The following REV3L variants were observed in gnomAD, a reference collection of about 807,000 sequenced individuals.
REV3L encodes the protein REV3 like, DNA directed polymerase zeta catalytic subunit, also known as DNA polymerase zeta catalytic subunit.
A neutral mutation model predicts 299.4 loss-of-function variants in REV3L; 69 were observed. The ratio of observed to expected loss-of-function variants is 0.23; its 90% CI spans 0.19 to 0.28. The LOEUF is 0.28. REV3L is among the 10% of genes least tolerant of loss of function. The probability of loss-of-function intolerance (pLI) is 1.00; values close to 1 mark genes in which losing one functional copy is unlikely to be tolerated. For missense variants in REV3L, 3,128 were observed against 3,693.8 expected (o/e 0.85, Z 3.97); for synonymous variants, 1,238 against 1,271.4 (o/e 0.97, Z 0.56).
At chr6:111,357,551 G>C (rs1778218065) in intron 17 of REV3L, among the ~76,000 whole-genome samples, 1 of 152,102 alleles carries the variant, frequency 6.6e-6, no homozygotes, top group Non-Finnish European at 1.5e-5. Context: ...GAATTAGCTG[G>C]GCATGGTGGC....
rs1463423468 is a variant in REV3L at position 111,349,239 on chromosome 6, A to T, written c.7398T>A (p.Leu2466=). 1 of 1,580,570 alleles carries T rather than the reference A, an allele frequency of 6.3e-7. No individual in the cohort carries two copies. Among genetic ancestry groups the T allele is most frequent in the Non-Finnish European group, 8.7e-7 (1 of 1,151,310 alleles). ...INIVGRITLN[L]WRIMRNEVAL... ...CCACCTCATTTCTCATGATTCTCCA[A>T]AGATTTAGTGTAATTCGGCCAACAA... The change falls in exon 20 of 32, where the codon CTT becomes CTA. Residue 2466 remains leucine, a synonymous_variant. Transcript: ENST00000368802.
At position 111,315,389 on chromosome 6, in the gene REV3L, G is replaced by A. The variant is rs371346926; in HGVS notation, c.8352-8C>T. The A allele has an allele frequency of 2.6e-5, 42 of 1,605,652 alleles. No individual in the cohort carries two copies. Among genetic ancestry groups the A allele is most frequent in the South Asian group, 2.0e-4 (18 of 90,376 alleles). On this transcript the variant is annotated splice_polypyrimidine_tract_variant and splice_region_variant and intron_variant, in intron 26 of 31. Coordinates refer to ENST00000368802, the MANE Select transcript of REV3L (RefSeq NM_001372078.1). ...TTCAGTAGCACAAACATACTAAGGG[G>A]ATTAAAAATAAAGTAAGGTAATGAG...
chr6:111,310,921 A>C (rs1453085451), intron 29 of REV3L, 148 bp downstream of exon 29: 1 of 515,150 alleles, frequency 1.9e-6, no homozygotes, highest in African/African-American at 1.9e-5. Context: ...AGTATGAGGG[A>C]ATATTCACTA....
intron 1 of REV3L, among the ~76,000 whole-genome samples, chr6:111,447,971 T>A (rs1437379812): frequency 6.6e-6 from 1 of 152,254 alleles, no homozygotes; most frequent in East Asian, 1.9e-4. Flanking sequence ...ATCCTTACTT[T>A]AAAATTTTTT....
At chr6:111,395,601 G>A (rs1445014170) in intron 4 of REV3L, among the ~76,000 whole-genome samples, 2 of 151,934 alleles carry the variant, frequency 1.3e-5, no homozygotes, top group Non-Finnish European at 2.9e-5. Flanking sequence ...AGAGTTTTTT[G>A]TTGGAGTCTT....
chr6:111,321,342 C>T (rs939256920), intron 26 of REV3L, among the ~76,000 whole-genome samples: 2 of 152,214 alleles, frequency 1.3e-5, no homozygotes, highest in African/African-American at 2.4e-5. Context: ...ATGCTGACTT[C>T]TGGGTGTTGT....
intron 5 of REV3L, among the ~76,000 whole-genome samples, chr6:111,391,179 C>A (rs949465193): frequency 6.6e-6 from 1 of 151,810 alleles, no homozygotes; most frequent in Non-Finnish European, 1.5e-5. Context: ...GATTCTCCTG[C>A]CTCAGCTTCC....
intron 9 of REV3L, among the ~76,000 whole-genome samples, chr6:111,386,957 G>A (rs1781412829): frequency 1.3e-5 from 2 of 151,998 alleles, no homozygotes; most frequent in African/African-American, 4.8e-5. Context: ...CCTGACCTCA[G>A]GTGATCCGCC....
chr6:111,378,239 G>A (rs1170601805), intron 11 of REV3L, among the ~76,000 whole-genome samples: 6 of 152,214 alleles, frequency 3.9e-5, no homozygotes, highest in Non-Finnish European at 8.8e-5. Flanking sequence ...AGTAGTAAAG[G>A]TGTTCAGTCA....
intron 1 of REV3L, among the ~76,000 whole-genome samples, chr6:111,468,365 A>G (rs555155665): frequency 2.0e-5 from 3 of 152,322 alleles, no homozygotes; most frequent in African/African-American, 7.2e-5. Flanking sequence ...GGAGGAAAAC[A>G]TTTGGAACTC....
chr6:111,311,463 A>G (rs921259063), intron 28 of REV3L: 6 of 402,858 alleles, frequency 1.5e-5, no homozygotes, highest in Non-Finnish European at 2.2e-5. Flanking sequence ...TAAAAATAGA[A>G]TATCATGTAG....
Position 111,358,999 on chromosome 6 carries a change from G to C in REV3L, c.6895C>G (p.Leu2299Val). 1.9e-6 allele frequency: 3 copies of C among 1,609,972 alleles called. No individual in the cohort carries two copies. Among genetic ancestry groups the C allele is most frequent in the Non-Finnish European group, 2.5e-6 (3 of 1,178,240 alleles). Residue 2299 changes from leucine (L) to valine (V), a missense_variant, in exon 17 of 32, where the codon CTA becomes GTA. Transcript: ENST00000368802. ...CGAGCATGCAACTCCACACTGATTA[G>C]GGTAAGATTTTGTATCTATAAAAGC... ...KALHEIQNLT[L>V]ISVELHARTR...
At chr6:111,478,734 T>C (rs970224402) in intron 1 of REV3L, among the ~76,000 whole-genome samples, 1 of 152,170 alleles carries the variant, frequency 6.6e-6, no homozygotes, top group Non-Finnish European at 1.5e-5. Context: ...CATAAACTTA[T>C]ATAGCATTTC....
intron 1 of REV3L, among the ~76,000 whole-genome samples, chr6:111,455,948 T>C (rs1790111558): frequency 6.6e-6 from 1 of 152,230 alleles, no homozygotes; most frequent in Non-Finnish European, 1.5e-5. Flanking sequence ...TAGAGCATCA[T>C]ATCGAAACCT....
intron 1 of REV3L, among the ~76,000 whole-genome samples, chr6:111,421,488 G>A (rs564450916): frequency 4.6e-5 from 7 of 152,256 alleles, no homozygotes; most frequent in South Asian, 2.1e-4. Context: ...GGGCATGACC[G>A]TGTTACAATA....
intron 1 of REV3L, among the ~76,000 whole-genome samples, chr6:111,453,754 C>T (rs1328561488): frequency 3.9e-5 from 6 of 152,038 alleles, no homozygotes; most frequent in Non-Finnish European, 8.8e-5. Context: ...GAGGCTGAGG[C>T]GGGTAGATCA....
intron 7 of REV3L, among the ~76,000 whole-genome samples, chr6:111,388,736 T>G (rs1365900062): frequency 6.6e-6 from 1 of 152,192 alleles, no homozygotes; most frequent in Non-Finnish European, 1.5e-5. Context: ...TTTCAAAGCT[T>G]AATGTATTAA....
intron 13 of REV3L, 78 bp downstream of exon 13, chr6:111,372,513 ATTCTT>A (rs1779899883): frequency 3.6e-6 from 4 of 1,099,044 alleles, no homozygotes; most frequent in Non-Finnish European, 4.9e-6. Flanking sequence ...TGTTGCATAC[ATTCTT>A]TTTTTTTCAA....
Position 111,405,626 on chromosome 6 carries a change from A to G in REV3L, c.409T>C (p.Cys137Arg). 6.3e-7 allele frequency: 1 copy of G among 1,587,738 alleles called. No individual in the cohort carries two copies. The highest frequency in any genetic ancestry group is 8.5e-7 in the Non-Finnish European group (1 of 1,170,100). Reference protein sequence around the residue: ...LYNPTMVKRICELLQSGAIMN... With the variant: ...LYNPTMVKRIRELLQSGAIMN... Reference sequence around the variant, plus strand: ...ATGGCTCCGCTTTGCAAAAGTTCACATATCCTAAATTAGAAAAAAAAAGTT... The same window carrying G: ...ATGGCTCCGCTTTGCAAAAGTTCACGTATCCTAAATTAGAAAAAAAAAGTT... Residue 137 changes from cysteine to arginine, a missense_variant, in exon 4 of 32, where the codon TGT (cysteine) becomes CGT (arginine). This residue lies in a region of REV3L where 2,409 missense variants were observed against 2,611.8 expected (regional missense o/e 0.92). Transcript: ENST00000368802.
Sources: gnomAD v4.1 joint callset for allele counts (sites outside exome capture counted in the v4.1 genomes callset) on GRCh38, gnomAD v4.1.1 for gene constraint, gnomAD v4.1.1 regional missense constraint, MANE v1.5 for transcripts, NCBI Gene and HGNC (gene_info 2026-07-23, HGNC 2026-07-21) for gene names.